CFAP92: variants seen among roughly 807,000 people sequenced by gnomAD.
CFAP92 encodes cilia and flagella associated protein 92 (putative).
A neutral mutation model predicts 106.3 loss-of-function variants in CFAP92; 86 were observed. The ratio of observed to expected loss-of-function variants is 0.81; its 90% confidence interval spans 0.68 to 0.97. The LOEUF is 0.97. Ranked by LOEUF, CFAP92 falls within the 50% of genes least tolerant of loss-of-function variation. CFAP92 has a pLI of 0.00. For missense variants in CFAP92, 1,204 were observed against 1,283.8 expected (o/e 0.94, Z 0.95); for synonymous variants, 477 against 506.4 (o/e 0.94, Z 0.78).
At chr3:129,020,786 G>A in the CFAP92 span, among the ~76,000 whole-genome samples, 1 of 152,212 alleles carries the variant, frequency 6.6e-6, no homozygotes, top group Non-Finnish European at 1.5e-5. Flanking sequence ...GAGGCTCCAG[G>A]GGAGGGAGCC....
chr3:128,916,405 T>G, intron 12 of CFAP92, 134 bp from the exon 13 acceptor site: 1 of 593,322 alleles, frequency 1.7e-6, no homozygotes, highest in Non-Finnish European at 2.5e-6. Context: ...CTGGTGCTGT[T>G]ATTTCATCAT....
intron 4 of CFAP92, 81 bp from the exon 5 acceptor site, chr3:128,978,266 G>T: frequency 6.7e-7 from 1 of 1,485,490 alleles, no homozygotes; most frequent in South Asian, 1.2e-5. Context: ...GCATTTCTTG[G>T]AGACACTGGG....
At chr3:128,911,457 A>G (rs1311749934) in intron 15 of CFAP92, among the ~76,000 whole-genome samples, 2 of 151,766 alleles carry the variant, frequency 1.3e-5, no homozygotes, top group Non-Finnish European at 2.9e-5. Flanking sequence ...TTTTGGAGAC[A>G]TAGTCTCACT....
At chr3:129,023,906 T>C in the CFAP92 span, among the ~76,000 whole-genome samples, 1 of 152,156 alleles carries the variant, frequency 6.6e-6, no homozygotes, top group Admixed American at 6.5e-5. Context: ...TGGCTCCAGA[T>C]CTAGTGCTCT....
intron 2 of CFAP92, chr3:128,991,388 A>G (rs1421299033): frequency 1.3e-5 from 2 of 152,556 alleles, no homozygotes; most frequent in South Asian, 2.0e-4. Flanking sequence ...TGAAGCAACC[A>G]TCTGTAAGAC....
intron 15 of CFAP92, among the ~76,000 whole-genome samples, chr3:128,914,309 G>A (rs1936633531): frequency 6.6e-6 from 1 of 152,168 alleles, no homozygotes; most frequent in South Asian, 2.1e-4. Context: ...CCCACAGAGA[G>A]CAGGTCTCTT....
At chr3:128,999,059 G>A (rs970475065), upstream of CFAP92, among the ~76,000 whole-genome samples, 7 of 152,268 alleles carry the variant, frequency 4.6e-5, no homozygotes, top group Middle Eastern at 3.4e-3. Flanking sequence ...ACCTTTAAAA[G>A]ACACTTTAAA....
chr3:128,924,531 A>G (rs1825639), intron 12 of CFAP92, among the ~76,000 whole-genome samples: 63,019 of 140,972 alleles, frequency 0.45, 15,921 homozygotes, highest in African/African-American at 0.71. Flanking sequence ...TGCAACCTCC[A>G]TCCCCTGGGT....
chr3:128,985,415 T>G (rs750994091), intron 4 of CFAP92, among the ~76,000 whole-genome samples: 1 of 152,186 alleles, frequency 6.6e-6, no homozygotes, highest in African/African-American at 2.4e-5. Flanking sequence ...CAGTAAGCTA[T>G]GATCACATCA....
chr3:129,002,151 C>T (rs1944809256), intron 1 of CFAP92: 1 of 1,470,266 alleles, frequency 6.8e-7, no homozygotes, highest in Non-Finnish European at 8.9e-7. Context: ...GACGCAGATC[C>T]GCCTGCGCCG....
At chr3:128,925,729 C>T (rs1937599031) in intron 12 of CFAP92, among the ~76,000 whole-genome samples, 1 of 151,936 alleles carries the variant, frequency 6.6e-6, no homozygotes, top group Non-Finnish European at 1.5e-5. Flanking sequence ...AAGTTAAATA[C>T]AAAGAAAAAC....
upstream of CFAP92, among the ~76,000 whole-genome samples, chr3:129,004,459 CCATCTATT>C (rs1944977778): frequency 2.7e-5 from 4 of 147,230 alleles, no homozygotes; most frequent in African/African-American, 1.0e-4. Flanking sequence ...ACCCGTCCAT[CCATCTATT>C]CATCCATCCA....
the CFAP92 span, among the ~76,000 whole-genome samples, chr3:129,014,798 C>T: frequency 6.6e-6 from 1 of 152,184 alleles, no homozygotes; most frequent in Admixed American, 6.5e-5. This position sits in a 1 kb window ranked among gnomAD's most constrained non-coding sequence, Gnocchi z 4.3. Context: ...CTTGTCTGCA[C>T]TGCCTGCACG....
At chr3:128,916,374 G>C in intron 12 of CFAP92, 103 bp from the exon 13 acceptor site, 1 of 788,748 alleles carries the variant, frequency 1.3e-6, no homozygotes, top group Non-Finnish European at 1.7e-6. Flanking sequence ...TGTGGTGCAG[G>C]TATTGATTGA....
intron 9 of CFAP92, among the ~76,000 whole-genome samples, chr3:128,947,997 T>C (rs768186269): frequency 6.6e-6 from 1 of 152,092 alleles, no homozygotes; most frequent in Non-Finnish European, 1.5e-5. Flanking sequence ...AATGTATAAT[T>C]TGGACTTCAT....
At position 128,916,078 on chromosome 3, in the gene CFAP92, A is replaced by G. The variant is rs1936792202; in HGVS notation, c.2916+29T>C. On this transcript the variant is annotated intron_variant, in intron 13 of 15. Coordinates refer to ENST00000645291, the MANE Select transcript of CFAP92 (RefSeq NM_001394090.1). ...AATAAAGAACTCATGGGATTTGCCA[A>G]CTGCCATCATCCTGTCTGGGTCTCT... is the stretch of plus-strand genomic sequence containing the variant. 9.7e-6 allele frequency: 12 copies of G among 1,231,576 alleles called. No individual in the cohort carries two copies. In the East Asian group the frequency reaches 2.2e-4, roughly 23 times the overall value. 76.3% of individuals were successfully genotyped at this position (1,231,576 alleles called of 1,614,324 possible). A position where few individuals can be genotyped will look rare whatever the true frequency, so the allele number is the denominator to read the frequency against.
At chr3:128,912,712 C>T in intron 15 of CFAP92, 1 of 1,077,722 alleles carries the variant, frequency 9.3e-7, no homozygotes, top group Non-Finnish European at 1.4e-6. Flanking sequence ...ACAGGTTAAG[C>T]CTTTTGTTCC....
chr3:128,935,187 C>G lies in CFAP92; in HGVS notation c.2391G>C (p.Leu797=). The change falls in exon 11 of 16, where the codon CTG becomes CTC. Residue 797 remains leucine, a synonymous_variant. Transcript: ENST00000645291. ...VHLFQPTELL[L]QQAVFFLRDT... is the part of the protein sequence containing the mutation. ...CTCGCAGGAAGAACACCGCCTGCTG[C>G]AGCAGCAGCTCCGTGGGCTGGAAGA... 3.9e-6 allele frequency: 6 copies of G among 1,535,874 alleles called. No homozygotes were observed. The highest frequency in any genetic ancestry group is 1.7e-4 in the Middle Eastern group (1 of 5,990).
rs1938538906 is a variant in CFAP92, at chr3:128,932,759, G to A, written c.2692C>T (p.Leu898=). 2 of 1,535,882 alleles carry A rather than the reference G, an allele frequency of 1.3e-6. No homozygotes were observed. The highest frequency in any genetic ancestry group is 1.7e-6 in the Non-Finnish European group (2 of 1,146,910). ...ATAAGCATGGCACTCCGCCACTGCAGGTACTTCTCCTGGTGGGCGTGGATC... is the reference window on the plus strand; with the variant it reads ...ATAAGCATGGCACTCCGCCACTGCAAGTACTTCTCCTGGTGGGCGTGGATC... The part of the protein sequence containing the change: ...LEIHAHQEKY[L]QWRSAMLMKN... The change falls in exon 12 of 16, where the codon CTG becomes TTG. Residue 898 remains leucine, a synonymous_variant. Transcript: ENST00000645291.
Sources: gnomAD v4.1 joint callset for allele counts (sites outside exome capture counted in the v4.1 genomes callset) on GRCh38, gnomAD v4.1.1 for gene constraint, Gnocchi (gnomAD v3.1) non-coding constraint, MANE v1.5 for transcripts, NCBI Gene and HGNC (gene_info 2026-07-23, HGNC 2026-07-21) for gene names.